Variants in BIVM observed in about 807,000 individuals in gnomAD.
BIVM encodes the protein basic, immunoglobulin-like variable motif containing.
BIVM carries 31 observed loss-of-function variants against 61.4 expected under a neutral mutation model. The ratio of observed to expected loss-of-function variants is 0.51; its 90% CI spans 0.38 to 0.68. BIVM has a LOEUF of 0.68. BIVM is among the 30% of genes least tolerant of loss of function. BIVM has a pLI of 0.00. For synonymous variants in BIVM, 189 were observed against 210.7 expected (o/e 0.90, Z 0.89); for missense variants, 526 against 596.0 (o/e 0.88, Z 1.22).
intron 4 of BIVM, among the ~76,000 whole-genome samples, chr13:102,819,170 T>C (rs1880070345): frequency 6.6e-6 from 1 of 152,158 alleles, no homozygotes; most frequent in South Asian, 2.1e-4. Context: ...CTAGGGCAGA[T>C]TACTTGAATA....
intron 4 of BIVM, among the ~76,000 whole-genome samples, chr13:102,817,478 G>T (rs1464850080): frequency 1.3e-5 from 2 of 152,106 alleles, no homozygotes; most frequent in East Asian, 3.8e-4. Flanking sequence ...GGTTAAGGTG[G>T]TGACAGCTGT....
At chr13:102,839,465 C>A in intron 10 of BIVM, 107 bp from the exon 11 acceptor site, 1 of 1,419,330 alleles carries the variant, frequency 7.0e-7, no homozygotes, top group Non-Finnish European at 9.5e-7. Context: ...AAGTACCATT[C>A]TGAGGCCGGT....
rs1435954053 is a variant in BIVM at position 102,821,844 on chromosome 13, T to C, written c.803T>C (p.Met268Thr). Residue 268 changes from methionine (M) to threonine (T), a missense_variant, in exon 6 of 11, where the codon ATG becomes ACG. Met to Thr is a moderately conservative substitution (Grantham distance 81, BLOSUM62 -1). This residue lies in a region of BIVM where 312 missense variants were observed against 343.8 expected (regional missense o/e 0.91). Transcript: ENST00000257336. ...FGPFTGNTTL[M>T]RWFRQINDHF... ...CCTTTCACGGGGAATACAACACTTA[T>C]GAGGTATGAAGACCCTCTTAGAGGC... 4 of 1,613,104 alleles carry C rather than the reference T, an allele frequency of 2.5e-6. No individual in the cohort carries two copies. The highest frequency in any genetic ancestry group is 3.4e-6 in the Non-Finnish European group (4 of 1,179,770).
Position 102,804,813 on chromosome 13 carries a change from G to T in BIVM, c.-206-494G>T, listed in dbSNP as rs567065174. On this transcript the variant is annotated intron_variant, in intron 1 of 10. Transcript: ENST00000257336. ...AGCATGCTTTAAAAGTAAAGAAAAT[G>T]GAATTTTGCCTAGCATATGTGGAGT... Among the ~76,000 whole-genome samples the T allele has an allele frequency of 1.8e-4, 28 of 152,284 alleles. No individual in the cohort carries two copies. The East Asian group carries it at 5.0e-3, about 27-fold the overall frequency.
At chr13:102,816,709 A>G (rs973933500) in intron 4 of BIVM, 155 bp downstream of exon 4, 3 of 748,318 alleles carry the variant, frequency 4.0e-6, no homozygotes, top group South Asian at 4.6e-5. Context: ...AGTCACCACA[A>G]ATGTTTGAAG....
intron 1 of BIVM, chr13:102,801,647 A>G (rs1878763685): frequency 6.6e-6 from 1 of 152,250 alleles, no homozygotes; most frequent in Admixed American, 6.5e-5. Flanking sequence ...CATGATGCAA[A>G]CACTTAAAAA....
Position 102,834,530 on chromosome 13 carries a change from C to T in BIVM, c.1099C>T (p.His367Tyr), listed in dbSNP as rs1881333447. 2.5e-6 allele frequency: 4 copies of T among 1,589,842 alleles called. No homozygotes were observed. The Admixed American group carries it at 5.7e-5, about 23-fold the overall frequency. ...CTTAATTGGAGAATCAAGTAGAAAA[C>T]ATCCTGCCATTCACTGTAAAAAGTA... ...WILIGESSRK[H>Y]PAIHCKKWAD... Residue 367 changes from histidine to tyrosine, a missense_variant, in exon 9 of 11, where the codon CAT becomes TAT. Around this residue, in one of 3 missense-constraint regions of BIVM, gnomAD observed 210 missense variants for 233.1 expected, o/e 0.90. Coordinates refer to ENST00000257336, the MANE Select transcript of BIVM (RefSeq NM_017693.4).
intron 7 of BIVM, among the ~76,000 whole-genome samples, chr13:102,826,325 C>T (rs1447540755): frequency 2.6e-5 from 4 of 152,170 alleles, no homozygotes; most frequent in Non-Finnish European, 4.4e-5. Context: ...AGTGCGTCCT[C>T]CTTCTGTCTT....
rs1880305028 is a variant in BIVM, at chr13:102,821,723, A to G, written c.702-20A>G. 6.2e-6 allele frequency: 10 copies of G among 1,608,682 alleles called. No homozygotes were observed. Among genetic ancestry groups the G allele is most frequent in the Non-Finnish European group, 8.5e-6 (10 of 1,177,630 alleles). On this transcript the variant is annotated intron_variant, in intron 5 of 10. Coordinates refer to ENST00000257336, the MANE Select transcript of BIVM (RefSeq NM_017693.4). ...TGACTGGAATTGAAAAATGAAAGGC[A>G]ATGAATGTTTCTTTTGTAGCCTTCC...
chr13:102,815,211 A>G (rs1879783510), intron 3 of BIVM, among the ~76,000 whole-genome samples: 1 of 152,198 alleles, frequency 6.6e-6, no homozygotes, highest in Non-Finnish European at 1.5e-5. Flanking sequence ...TTCTCTGTAT[A>G]GTATCTTGAA....
Position 102,807,381 on chromosome 13 carries a change from A to G in BIVM, c.114A>G (p.Thr38=), listed in dbSNP as rs1005629633. 4 of 1,614,112 alleles carry G rather than the reference A, an allele frequency of 2.5e-6. No homozygotes were observed. In the African/African-American group the frequency reaches 4.0e-5, roughly 16 times the overall value. Residue 38 remains threonine, a synonymous_variant, in exon 3 of 11, where the codon ACA becomes ACG. Transcript: ENST00000257336. The surrounding 1 kb of genome is among the most constrained non-coding windows in gnomAD (Gnocchi z 4.0). The stretch of plus-strand genomic sequence containing the variant: ...AAGGTGCTGTAAAATCTTTCTGCAC[A>G]AGTGCCTCAGGAGCACCCTTGGGTC... ...NLQGAVKSFC[T]SASGAPLGPK...
At chr13:102,829,358 T>C (rs973658848) in intron 7 of BIVM, among the ~76,000 whole-genome samples, 1 of 152,186 alleles carries the variant, frequency 6.6e-6, no homozygotes. Context: ...TTTTCTCCTT[T>C]CTCTATGCCG....
At chr13:102,829,152 T>C (rs1317776774) in intron 7 of BIVM, among the ~76,000 whole-genome samples, 12 of 152,192 alleles carry the variant, frequency 7.9e-5, no homozygotes, top group African/African-American at 2.9e-4. Flanking sequence ...TAAGTTCTTA[T>C]GGAGTTATCT....
At chr13:102,831,415 A>G in intron 7 of BIVM, 150 bp from the exon 8 acceptor site, 1 of 1,194,774 alleles carries the variant, frequency 8.4e-7, no homozygotes, top group Non-Finnish European at 1.1e-6. Flanking sequence ...CATTTTTTGT[A>G]CCTATCAATA....
Position 102,805,328 on chromosome 13 carries a change from T to A in BIVM, c.-185T>A, listed in dbSNP as rs1265793879. 3 of 152,238 alleles carry A rather than the reference T, an allele frequency of 2.0e-5. No homozygotes were observed. Among genetic ancestry groups the A allele is most frequent in the African/African-American group, 7.2e-5 (3 of 41,470 alleles). The allele number at this position is 152,238 out of a possible 1,614,324, so 9.4% of individuals were successfully genotyped here. On this transcript the variant is annotated 5_prime_UTR_variant, in exon 2 of 11. Transcript: ENST00000257336. ...AAAGGAATCAGTTTAGACTTGAAAT[T>A]CAGTTTTTCCTGAAACTGATCAGAA...
At chr13:102,829,537 T>C (rs1880911432) in intron 7 of BIVM, among the ~76,000 whole-genome samples, 1 of 152,130 alleles carries the variant, frequency 6.6e-6, no homozygotes, top group South Asian at 2.1e-4. Context: ...TACCTTAATG[T>C]GTTGAATGCT....
intron 7 of BIVM, among the ~76,000 whole-genome samples, chr13:102,827,568 T>C (rs1024437477): frequency 2.6e-4 from 39 of 152,342 alleles, no homozygotes; most frequent in African/African-American, 8.7e-4. Flanking sequence ...CCTTTGCTAA[T>C]TGGGGGACCC....
chr13:102,825,853 C>T (rs139439930), intron 7 of BIVM, among the ~76,000 whole-genome samples: 2 of 152,248 alleles, frequency 1.3e-5, no homozygotes, highest in African/African-American at 2.4e-5. Context: ...TCAATCCCTT[C>T]GTCTCCTGGG....
At position 102,809,252 on chromosome 13, in the gene BIVM, G is replaced by C. The variant is rs970416286; in HGVS notation, c.478+1507G>C. The stretch of plus-strand genomic sequence containing the variant: ...TTGGAAATATTTTCTAATTTCCTTT[G>C]CAATTTATTCTTTGATACATGTATT... On this transcript the variant is annotated intron_variant, in intron 3 of 10. Coordinates refer to ENST00000257336, the MANE Select transcript of BIVM (RefSeq NM_017693.4). Among the ~76,000 whole-genome samples, 4 of 152,050 alleles carry C rather than the reference G, an allele frequency of 2.6e-5. No individual in the cohort carries two copies. The South Asian group carries it at 6.2e-4, about 24-fold the overall frequency.
Sources: allele counts gnomAD v4.1 joint callset (sites outside exome capture counted in the v4.1 genomes callset), GRCh38; gene constraint gnomAD v4.1.1; regional missense constraint gnomAD v4.1.1; non-coding constraint Gnocchi (gnomAD v3.1); transcripts MANE v1.5; gene names NCBI Gene and HGNC (gene_info 2026-07-23, HGNC 2026-07-21).